OR1J2: variants seen among roughly 807,000 people sequenced by gnomAD.
The protein encoded by OR1J2 is olfactory receptor family 1 subfamily J member 2.
For missense variants in OR1J2, 304 were observed against 246.1 expected (o/e 1.24, Z -1.57); for synonymous variants, 142 against 99.7 (o/e 1.42, Z -2.52).
the OR1J2 span, among the ~76,000 whole-genome samples, chr9:122,530,376 C>G: frequency 6.6e-6 from 1 of 152,320 alleles, no homozygotes; most frequent in Admixed American, 6.5e-5. Flanking sequence ...GCTGGCTCAT[C>G]AGGCTACTGC....
chr9:122,499,269 C>T, the OR1J2 span, among the ~76,000 whole-genome samples: 1 of 152,212 alleles, frequency 6.6e-6, no homozygotes, highest in Admixed American at 6.5e-5. Context: ...GCAGGGAAAC[C>T]TCCTTAGTTC....
At chr9:122,525,938 G>C in the OR1J2 span, among the ~76,000 whole-genome samples, 4 of 152,198 alleles carry the variant, frequency 2.6e-5, no homozygotes, top group Non-Finnish European at 5.9e-5. Context: ...AAAGTGTCAT[G>C]AAAGCAGGGA....
At chr9:122,477,744 G>A in the OR1J2 span, 1 of 1,614,176 alleles carries the variant, frequency 6.2e-7, no homozygotes, top group Non-Finnish European at 8.5e-7. Flanking sequence ...GGCTAAGGAA[G>A]AAGTACATGG....
chr9:122,573,203 G>T, the OR1J2 span, among the ~76,000 whole-genome samples: 1 of 152,166 alleles, frequency 6.6e-6, no homozygotes, highest in Non-Finnish European at 1.5e-5. Context: ...TTTGTCCTGT[G>T]ATCTCCCTCA....
chr9:122,500,177 G>T, the OR1J2 span, among the ~76,000 whole-genome samples: 1 of 152,168 alleles, frequency 6.6e-6, no homozygotes, highest in South Asian at 2.1e-4. Flanking sequence ...GTCAGTCCTG[G>T]GTCTGGGAAA....
At chr9:122,450,499 G>C in the OR1J2 span, among the ~76,000 whole-genome samples, 2 of 152,036 alleles carry the variant, frequency 1.3e-5, no homozygotes, top group Non-Finnish European at 2.9e-5. Context: ...ATTTGTGAGG[G>C]TATAATGTGA....
chr9:122,510,192 C>T (rs1009974259), upstream of OR1J2, among the ~76,000 whole-genome samples: 1 of 152,122 alleles, frequency 6.6e-6, no homozygotes, highest in Admixed American at 6.5e-5. Context: ...AAAAGGCCAC[C>T]TCTCATCTGA....
At chr9:122,514,954 A>G (rs1054803261), downstream of OR1J2, among the ~76,000 whole-genome samples, 5 of 152,186 alleles carry the variant, frequency 3.3e-5, no homozygotes, top group South Asian at 2.1e-4. Flanking sequence ...ATCTTTAACA[A>G]GCTCCCCAGG....
At chr9:122,524,148 A>G in the OR1J2 span, among the ~76,000 whole-genome samples, 1 of 152,188 alleles carries the variant, frequency 6.6e-6, no homozygotes, top group Non-Finnish European at 1.5e-5. Context: ...AACTGAATAA[A>G]TCCTATCACA....
chr9:122,515,860 C>G (rs1046956567), downstream of OR1J2, among the ~76,000 whole-genome samples: 1 of 151,744 alleles, frequency 6.6e-6, no homozygotes, highest in Non-Finnish European at 1.5e-5. Context: ...AAACCTTCAT[C>G]AGAGGCAGCA....
chr9:122,578,109 A>G, the OR1J2 span, among the ~76,000 whole-genome samples: 1 of 152,220 alleles, frequency 6.6e-6, no homozygotes, highest in Non-Finnish European at 1.5e-5. Flanking sequence ...TAGATATACC[A>G]TTTGATCCAG....
At chr9:122,470,147 G>C in the OR1J2 span, among the ~76,000 whole-genome samples, 33 of 152,236 alleles carry the variant, frequency 2.2e-4, no homozygotes, top group Non-Finnish European at 4.0e-4. Context: ...GGGCATGTCA[G>C]AGACCTTTGT....
At chr9:122,539,832 C>T in the OR1J2 span, among the ~76,000 whole-genome samples, 2 of 152,090 alleles carry the variant, frequency 1.3e-5, no homozygotes, top group African/African-American at 2.4e-5. Context: ...TGGTATCTCA[C>T]TGTGGTTTTG....
chr9:122,465,228 T>C, the OR1J2 span, among the ~76,000 whole-genome samples: 2 of 152,136 alleles, frequency 1.3e-5, no homozygotes, highest in Non-Finnish European at 2.9e-5. Context: ...GAAAACTTGC[T>C]CATGGGACAG....
chr9:122,479,912 A>C, the OR1J2 span, among the ~76,000 whole-genome samples: 3 of 152,210 alleles, frequency 2.0e-5, no homozygotes. Context: ...GGCTTAGTTC[A>C]AGAACCAGCT....
chr9:122,463,710 C>T, the OR1J2 span, among the ~76,000 whole-genome samples: 6 of 152,158 alleles, frequency 3.9e-5, no homozygotes, highest in Admixed American at 2.0e-4. Flanking sequence ...TCAATCTAGC[C>T]ACCCAGTGAA....
At chr9:122,492,782 G>A in the OR1J2 span, among the ~76,000 whole-genome samples, 6 of 152,114 alleles carry the variant, frequency 3.9e-5, no homozygotes, top group African/African-American at 9.7e-5. Context: ...TCCTTGTTTT[G>A]TTCCAGTTCT....
the OR1J2 span, among the ~76,000 whole-genome samples, chr9:122,562,796 T>C: frequency 1.1e-4 from 17 of 152,094 alleles, no homozygotes; most frequent in African/African-American, 4.1e-4. Flanking sequence ...GCTTATTTTA[T>C]TTAACATAAT....
chr9:122,456,260 G>A, the OR1J2 span, among the ~76,000 whole-genome samples: 345 of 152,200 alleles, frequency 2.3e-3, 2 homozygotes, highest in African/African-American at 7.2e-3. Context: ...GGCTATGTGC[G>A]CGCTCAGGAA....
Sources: allele counts gnomAD v4.1 joint callset (sites outside exome capture counted in the v4.1 genomes callset), GRCh38; gene constraint gnomAD v4.1.1; transcripts MANE v1.5; gene names NCBI Gene and HGNC (gene_info 2026-07-23, HGNC 2026-07-21).